PDGFD: variants seen among roughly 807,000 people sequenced by gnomAD.
PDGFD encodes the protein platelet-derived growth factor D.
In PDGFD, 30 loss-of-function variants were observed where a neutral mutation model predicts 44.7. That is an observed-to-expected ratio of 0.67 (90% CI 0.50 to 0.91). The LOEUF is 0.91. PDGFD is among the 40% of genes least tolerant of loss of function. The probability of loss-of-function intolerance (pLI) is 0.00; values close to 1 mark genes in which losing one functional copy is unlikely to be tolerated. For missense variants in PDGFD, 445 were observed against 457.8 expected (o/e 0.97, Z 0.25); for synonymous variants, 173 against 168.4 (o/e 1.03, Z -0.21).
intron 1 of PDGFD, among the ~76,000 whole-genome samples, chr11:104,026,717 G>A (rs260856): frequency 0.02 from 3,016 of 152,234 alleles, 107 homozygotes; most frequent in African/African-American, 0.069. Context: ...AAATGACTCT[G>A]GGCATTCACT....
intron 1 of PDGFD, among the ~76,000 whole-genome samples, chr11:104,114,373 G>A (rs1018615088): frequency 1.3e-5 from 2 of 151,718 alleles, no homozygotes; most frequent in Admixed American, 6.6e-5. Context: ...CCATTAGGTT[G>A]TCTTTGATCT....
chr11:103,988,711 T>C (rs1222357453), intron 3 of PDGFD, among the ~76,000 whole-genome samples: 1 of 152,206 alleles, frequency 6.6e-6, no homozygotes, highest in Non-Finnish European at 1.5e-5. Flanking sequence ...CACATATGTA[T>C]GAGCTCTGTG....
intron 1 of PDGFD, among the ~76,000 whole-genome samples, chr11:104,084,784 A>ATAATATAAAATATATATTTTATAAG (rs1398934246): frequency 1.7e-5 from 1 of 57,296 alleles, no homozygotes; most frequent in Non-Finnish European, 2.8e-5. Flanking sequence ...TATACATAAA[A>ATAATATAAAATATATATTTTATAAG]TAATATAAAA....
At chr11:104,144,541 A>ACC (rs1386429867) in intron 1 of PDGFD, among the ~76,000 whole-genome samples, 5,173 of 144,394 alleles carry the variant, frequency 0.036, 165 homozygotes, top group Non-Finnish European at 0.055. Context: ...CAACAAAACA[A>ACC]AACAAACAAA....
At chr11:104,071,791 G>A (rs1156522826) in intron 1 of PDGFD, among the ~76,000 whole-genome samples, 1 of 151,016 alleles carries the variant, frequency 6.6e-6, no homozygotes, top group African/African-American at 2.4e-5. Flanking sequence ...GTATTATATA[G>A]CTTAATTTAT....
rs757993001 is a variant in PDGFD, at chr11:104,000,033, A to T, written c.329+18T>A. ...TTCACCTTGAAATAGTACCGTAAAA[A>T]TTTTTTTCCCAACTTACCTACAGAT... On this transcript the variant is annotated intron_variant, in intron 2 of 6. Coordinates refer to ENST00000393158, the MANE Select transcript of PDGFD (RefSeq NM_025208.5). The T allele has an allele frequency of 3.7e-5, 59 of 1,603,596 alleles. No homozygotes were observed. The African/African-American group carries it at 5.4e-4, about 15-fold the overall frequency.
chr11:104,140,869 T>C (rs1862074505), intron 1 of PDGFD, among the ~76,000 whole-genome samples: 1 of 152,270 alleles, frequency 6.6e-6, no homozygotes, highest in Non-Finnish European at 1.5e-5. Flanking sequence ...CTGAAATATC[T>C]CCCTTGCTAT....
intron 6 of PDGFD, among the ~76,000 whole-genome samples, chr11:103,919,768 C>A (rs1180266215): frequency 6.6e-6 from 1 of 151,724 alleles, no homozygotes; most frequent in Non-Finnish European, 1.5e-5. Context: ...CTCAGCCTCC[C>A]AAAATGCTGG....
intron 1 of PDGFD, among the ~76,000 whole-genome samples, chr11:104,154,684 A>T (rs1198825150): frequency 6.6e-6 from 1 of 152,174 alleles, no homozygotes; most frequent in Non-Finnish European, 1.5e-5. Context: ...TTAAAGATAG[A>T]AGAGTAGTAA....
chr11:103,913,531 T>C (rs899556341), intron 6 of PDGFD, among the ~76,000 whole-genome samples: 3 of 152,184 alleles, frequency 2.0e-5, no homozygotes, highest in East Asian at 1.9e-4. Flanking sequence ...TAGCACTAGA[T>C]GCCTACAAGA....
rs774211554 is a variant in PDGFD, at chr11:103,996,118, A to G, written c.457T>C (p.Ser153Pro). ...GGTTTAGCCACAAAGTAGTCATCGG[A>G]CTTGAATGTGATTTTAATTTGGTTC... Reference protein sequence around the residue: ...RTNQIKITFKSDDYFVAKPGF... With the variant: ...RTNQIKITFKPDDYFVAKPGF... Residue 153 changes from serine to proline, a missense_variant, in exon 3 of 7, where the codon TCC becomes CCC. Transcript: ENST00000393158. The G allele has an allele frequency of 6.2e-7, 1 of 1,613,790 alleles. No individual in the cohort carries two copies. Among genetic ancestry groups the G allele is most frequent in the Non-Finnish European group, 8.5e-7 (1 of 1,179,810 alleles).
intron 1 of PDGFD, among the ~76,000 whole-genome samples, chr11:104,144,072 G>T (rs1389523199): frequency 6.6e-6 from 1 of 152,092 alleles, no homozygotes; most frequent in Non-Finnish European, 1.5e-5. Flanking sequence ...CAGTGAACAG[G>T]CTGAAAACTT....
rs1386949019 is a variant in PDGFD, at chr11:104,037,082, G to A, written c.125-36827C>T. 3.7e-6 allele frequency: 6 copies of A among 1,614,098 alleles called. No homozygotes were observed. Among genetic ancestry groups the A allele is most frequent in the Admixed American group, 3.3e-5 (2 of 60,014 alleles). On this transcript the variant is annotated intron_variant, in intron 1 of 6. Transcript: ENST00000393158. ...AATGTGGGACCTCGGGCTCCAGGGC[G>A]TGCCCCGAACCAGCCTCGTGTAGAC...
chr11:104,011,932 G>A (rs1238039476), intron 1 of PDGFD, among the ~76,000 whole-genome samples: 1 of 152,096 alleles, frequency 6.6e-6, no homozygotes, highest in Non-Finnish European at 1.5e-5. Flanking sequence ...ATTTTGATTT[G>A]TCACTGATGC....
rs1263537278 is a variant in PDGFD at position 103,908,200 on chromosome 11, G to A, written c.*1494C>T. On this transcript the variant is annotated 3_prime_UTR_variant, in exon 7 of 7. Transcript: ENST00000393158. ...GTAGTTCTCTGTTAGCAGTCCCTGA[G>A]CTATCTGAATTTCGGTGTTTCTCTC... The A allele has an allele frequency of 6.6e-6, 1 of 152,216 alleles. No individual in the cohort carries two copies. Among genetic ancestry groups the A allele is most frequent in the Non-Finnish European group, 1.5e-5 (1 of 68,038 alleles). 9.4% of individuals were successfully genotyped at this position (152,216 alleles called of 1,614,324 possible). A position where few individuals can be genotyped will look rare whatever the true frequency, so the allele number is the denominator to read the frequency against.
At chr11:103,949,157 C>T (rs1347971776) in intron 3 of PDGFD, among the ~76,000 whole-genome samples, 2 of 151,946 alleles carry the variant, frequency 1.3e-5, no homozygotes, top group Non-Finnish European at 2.9e-5. Flanking sequence ...TGTGCACCAC[C>T]ACACCCAGCT....
chr11:104,155,124 T>C (rs1489019136), intron 1 of PDGFD, among the ~76,000 whole-genome samples: 1 of 152,204 alleles, frequency 6.6e-6, no homozygotes, highest in Non-Finnish European at 1.5e-5. Context: ...AGAATGATAA[T>C]AATACTTTAT....
chr11:104,060,966 C>A (rs1860705399), intron 1 of PDGFD, among the ~76,000 whole-genome samples: 1 of 152,154 alleles, frequency 6.6e-6, no homozygotes, highest in African/African-American at 2.4e-5. Flanking sequence ...TTCATCACTT[C>A]AAACAGAAAC....
chr11:104,138,477 C>T (rs967130364), intron 1 of PDGFD, among the ~76,000 whole-genome samples: 3 of 152,156 alleles, frequency 2.0e-5, no homozygotes, highest in Non-Finnish European at 4.4e-5. Context: ...TTCCTCCTAG[C>T]CCTATGTGTA....
Sources: allele counts gnomAD v4.1 joint callset (sites outside exome capture counted in the v4.1 genomes callset), GRCh38; gene constraint gnomAD v4.1.1; transcripts MANE v1.5; gene names NCBI Gene and HGNC (gene_info 2026-07-23, HGNC 2026-07-21).